The following HNRNPM variants were observed in gnomAD, a reference collection of about 807,000 sequenced individuals.
HNRNPM encodes the protein CEA receptor.
HNRNPM carries 11 observed loss-of-function variants against 73.1 expected under a neutral mutation model. The ratio of observed to expected loss-of-function variants is 0.15; its 90% CI spans 0.09 to 0.25. HNRNPM has a LOEUF of 0.25. Among genes scored for constraint, HNRNPM ranks in the 10% least tolerant of loss-of-function variants. The probability of loss-of-function intolerance (pLI) is 1.00; values close to 1 mark genes in which losing one functional copy is unlikely to be tolerated. For synonymous variants in HNRNPM, 407 were observed against 355.2 expected, an observed-to-expected ratio of 1.15 and a Z score of -1.64; for missense variants, 789 against 1,067.9, an observed-to-expected ratio of 0.74 and a Z score of 3.64.
chr19:8,488,873 CAT>C lies in HNRNPM; in HGVS notation c.*20_*21del, dbSNP rs769717217. 1 of 1,596,746 alleles carries C rather than the reference CAT, an allele frequency of 6.3e-7. No individual in the cohort carries two copies. The highest frequency in any genetic ancestry group is 1.7e-5 in the Admixed American group (1 of 59,100). ...CGCTTAAGCAGTTGCCTTTTTTAAA[CAT>C]CGATACGAGACCTCTGAATTTGTAT... On this transcript the variant is annotated 3_prime_UTR_variant, in exon 16 of 16. Coordinates refer to ENST00000325495, the MANE Select transcript of HNRNPM (RefSeq NM_005968.5).
rs774566448 is a variant in HNRNPM, at chr19:8,445,091, C to T, written c.93C>T (p.Asn31=). Residue 31 remains asparagine (N), a synonymous_variant, in exon 1 of 16, where the codon AAC becomes AAT. Transcript: ENST00000325495. ...ESGAPGVPSG[N]GAPGPKGEGE... ...GCGCGCCCGGCGTGCCGAGCGGCAA[C>T]GGGGCTCCGGGCCCTAAGGGGTGAG... is the stretch of plus-strand genomic sequence containing the variant. 23 of 1,418,434 alleles carry T rather than the reference C, an allele frequency of 1.6e-5. No homozygotes were observed. In the South Asian group the frequency reaches 3.1e-4, roughly 19 times the overall value. 87.9% of individuals were successfully genotyped at this position (1,418,434 alleles called of 1,614,324 possible). A position where few individuals can be genotyped will look rare whatever the true frequency, so the allele number is the denominator to read the frequency against.
rs766574819 is a variant in HNRNPM, at chr19:8,471,438, CA to C, written c.997+12del. On this transcript the variant is annotated intron_variant, in intron 10 of 15. Transcript: ENST00000325495. ...ACATAGGTCCCGCAGGTGAGAATGACAGTGCACCTTGCTTGGTGGTTTGGGG... is the reference window on the plus strand; with the variant it reads ...ACATAGGTCCCGCAGGTGAGAATGACGTGCACCTTGCTTGGTGGTTTGGGG... 21 of 1,516,174 alleles carry C rather than the reference CA, an allele frequency of 1.4e-5. No individual in the cohort carries two copies. The highest frequency in any genetic ancestry group is 6.0e-5 in the South Asian group (5 of 83,664). The allele number at this position is 1,516,174 out of a possible 1,614,324, so 93.9% of individuals were successfully genotyped here.
At chr19:8,453,909 A>G (rs1287077819) in intron 1 of HNRNPM, among the ~76,000 whole-genome samples, 1 of 152,188 alleles carries the variant, frequency 6.6e-6, no homozygotes, top group Admixed American at 6.5e-5. Context: ...CTAGCACACA[A>G]AGGTAAAGAG....
chr19:8,475,499 A>G (rs1970435528), intron 12 of HNRNPM, among the ~76,000 whole-genome samples: 1 of 152,214 alleles, frequency 6.6e-6, no homozygotes. Flanking sequence ...GTACAAGGAC[A>G]GACATCATTG....
chr19:8,445,073 C>A lies in HNRNPM; in HGVS notation c.75C>A (p.Pro25=). 1.4e-6 allele frequency: 2 copies of A among 1,421,094 alleles called. No individual in the cohort carries two copies. The highest frequency in any genetic ancestry group is 1.8e-6 in the Non-Finnish European group (2 of 1,087,730). 88.0% of individuals were successfully genotyped at this position (1,421,094 alleles called of 1,614,324 possible). ...AAATGGAGGAAGAGAGCGGCGCGCC[C>A]GGCGTGCCGAGCGGCAACGGGGCTC... The part of the protein sequence containing the change: ...EIKMEEESGA[P]GVPSGNGAPG... The change falls in exon 1 of 16, where the codon CCC becomes CCA. Residue 25 remains proline, a synonymous_variant. Coordinates refer to ENST00000325495, the MANE Select transcript of HNRNPM (RefSeq NM_005968.5).
chr19:8,473,798 G>A (rs1970323428), intron 11 of HNRNPM, 90 bp downstream of exon 11: 7 of 851,136 alleles, frequency 8.2e-6, no homozygotes, highest in South Asian at 7.6e-5. Context: ...AACCCTGCAT[G>A]AAATTCTCTT....
intron 5 of HNRNPM, among the ~76,000 whole-genome samples, chr19:8,464,249 A>T (rs200340166): frequency 7.9e-4 from 1 of 1,260 alleles, no homozygotes; most frequent in African/African-American, 8.1e-4. Flanking sequence ...TCTAAAAAAT[A>T]AAAAAATAAA....
chr19:8,454,202 G>A (rs1214842655), intron 1 of HNRNPM, among the ~76,000 whole-genome samples: 4 of 152,148 alleles, frequency 2.6e-5, no homozygotes, highest in Non-Finnish European at 4.4e-5. Context: ...CATCCCACAT[G>A]AAATTCTATG....
intron 9 of HNRNPM, 76 bp from the exon 10 acceptor site, chr19:8,471,250 C>G: frequency 1.1e-6 from 1 of 894,470 alleles, no homozygotes; most frequent in Non-Finnish European, 1.7e-6. Flanking sequence ...CTGCAACTCA[C>G]TAAACACTCT....
chr19:8,462,648 G>A lies in HNRNPM; in HGVS notation c.336+67G>A. 1.9e-5 allele frequency: 25 copies of A among 1,297,454 alleles called. No individual in the cohort carries two copies. The South Asian group carries it at 3.0e-4, about 15-fold the overall frequency. 80.4% of individuals were successfully genotyped at this position (1,297,454 alleles called of 1,614,324 possible). The stretch of plus-strand genomic sequence containing the variant: ...AAAAATGTAACTGTATGGTGGCGTG[G>A]AATCGAATGAAATCAGGAAGGCAGT... On this transcript the variant is annotated intron_variant, in intron 3 of 15. Coordinates refer to ENST00000325495, the MANE Select transcript of HNRNPM (RefSeq NM_005968.5). This position sits in a 1 kb window ranked among gnomAD's most constrained non-coding sequence, Gnocchi z 4.5.
chr19:8,461,234 T>C (rs1411911387), intron 2 of HNRNPM, among the ~76,000 whole-genome samples: 6 of 152,238 alleles, frequency 3.9e-5, no homozygotes, highest in Admixed American at 3.9e-4. Flanking sequence ...TGCAGAGCCA[T>C]TAATAAATAT....
intron 9 of HNRNPM, among the ~76,000 whole-genome samples, chr19:8,469,959 A>G (rs957912762): frequency 6.6e-6 from 1 of 152,262 alleles, no homozygotes; most frequent in East Asian, 1.9e-4. Flanking sequence ...GAAAGGCAAC[A>G]TTAGTTAGAG....
intron 1 of HNRNPM, among the ~76,000 whole-genome samples, chr19:8,452,305 A>G (rs1968686283): frequency 6.6e-6 from 1 of 152,202 alleles, no homozygotes. Flanking sequence ...TTTTATTGTA[A>G]ATCTTAAAGT....
chr19:8,467,919 C>T (rs1326969205), intron 8 of HNRNPM, among the ~76,000 whole-genome samples: 1 of 151,880 alleles, frequency 6.6e-6, no homozygotes, highest in Non-Finnish European at 1.5e-5. Flanking sequence ...TCCAGCTACT[C>T]GGGAGGCTGA....
chr19:8,457,026 C>T (rs1353308515), intron 2 of HNRNPM, among the ~76,000 whole-genome samples: 2 of 152,198 alleles, frequency 1.3e-5, no homozygotes, highest in African/African-American at 4.8e-5. Flanking sequence ...TTGGAATAAC[C>T]TCCAAATTTG....
intron 1 of HNRNPM, among the ~76,000 whole-genome samples, chr19:8,450,469 T>C (rs1049109477): frequency 1.3e-5 from 2 of 152,040 alleles, no homozygotes; most frequent in African/African-American, 4.8e-5. Flanking sequence ...TGGGGTGCAG[T>C]GTACGATCTC....
chr19:8,453,304 C>G (rs929320336), intron 1 of HNRNPM, among the ~76,000 whole-genome samples: 3 of 152,070 alleles, frequency 2.0e-5, no homozygotes, highest in Admixed American at 6.6e-5. Flanking sequence ...CCACGCCCAG[C>G]TAATTTTTGT....
At chr19:8,464,581 G>A (rs1206816474) in intron 5 of HNRNPM, among the ~76,000 whole-genome samples, 2 of 152,120 alleles carry the variant, frequency 1.3e-5, no homozygotes, top group East Asian at 1.9e-4. Flanking sequence ...GCAGTGAGCC[G>A]AGATCGCGCC....
intron 10 of HNRNPM, among the ~76,000 whole-genome samples, chr19:8,472,628 G>A (rs1269897356): frequency 6.6e-6 from 1 of 152,206 alleles, no homozygotes; most frequent in East Asian, 1.9e-4. Flanking sequence ...GCCCAGGCTG[G>A]AGTGCAGTGG....
Sources: allele counts gnomAD v4.1 joint callset (sites outside exome capture counted in the v4.1 genomes callset), GRCh38; gene constraint gnomAD v4.1.1; non-coding constraint Gnocchi (gnomAD v3.1); transcripts MANE v1.5; gene names NCBI Gene and HGNC (gene_info 2026-07-23, HGNC 2026-07-21).